ALAS2: variants seen among roughly 807,000 people sequenced by gnomAD.
ALAS2 encodes 5'-aminolevulinate synthase 2.
A neutral mutation model predicts 33.7 loss-of-function variants in ALAS2; 3 were observed. The observed-to-expected ratio is 0.09, with a 90% confidence interval of 0.04 to 0.23. The LOEUF (loss-of-function observed/expected upper bound fraction) is 0.23. Among genes scored for constraint, ALAS2 ranks in the 10% least tolerant of loss-of-function variants. ALAS2 has a pLI of 1.00. For synonymous variants in ALAS2, 191 were observed against 177.3 expected (o/e 1.08, Z -0.61); for missense variants, 304 against 475.1 (o/e 0.64, Z 3.35).
rs1363278726 is a variant in ALAS2, at chrX:55,015,870, C to T, written c.1004-128G>A. The stretch of plus-strand genomic sequence containing the variant: ...TGTTGTAGAGAGGAAGGAGGATGTG[C>T]GCCTTCATTTAGAACTATTACAAAC... On this transcript the variant is annotated intron_variant, in intron 7 of 10. Transcript: ENST00000650242. 23 of 746,327 alleles carry T rather than the reference C, an allele frequency of 3.1e-5. No homozygotes were observed. In the Middle Eastern group the frequency reaches 3.9e-3, roughly 125 times the overall value. The allele number at this position is 746,327 out of a possible 1,213,427, so 61.5% of individuals were successfully genotyped here. A position where few individuals can be genotyped will look rare whatever the true frequency, so the allele number is the denominator to read the frequency against.
At chrX:55,013,446 G>T (rs775867791) in intron 10 of ALAS2, 40 bp downstream of exon 10, 2 of 1,173,377 alleles carry the variant, frequency 1.7e-6, no homozygotes, top group Non-Finnish European at 2.3e-6. Flanking sequence ...CTGGGGCTGA[G>T]GGGAGGGAGG....
chrX:55,021,414 G>A (rs1935803744), intron 4 of ALAS2, 140 bp from the exon 5 acceptor site: 1 of 520,411 alleles, frequency 1.9e-6, no homozygotes, highest in Non-Finnish European at 3.3e-6. Flanking sequence ...ATTGACTTAT[G>A]GACCACATTA....
At chrX:55,023,116 A>G (rs1364573547) in intron 4 of ALAS2, among the ~76,000 whole-genome samples, 2 of 110,959 alleles carry the variant, frequency 1.8e-5, no homozygotes, top group African/African-American at 6.6e-5. Flanking sequence ...TAAGTGAACA[A>G]AACAGCATAA....
At position 55,027,131 on chromosome X, in the gene ALAS2, A is replaced by G. The variant is rs773549143; in HGVS notation, c.-15-1116T>C. Among the ~76,000 whole-genome samples the G allele has an allele frequency of 3.6e-5, 4 of 110,930 alleles. No homozygotes were observed. The East Asian group carries it at 1.1e-3, about 32-fold the overall frequency. On this transcript the variant is annotated intron_variant, in intron 1 of 10. Transcript: ENST00000650242. Reference sequence around the variant, plus strand: ...CAGGGATAAAGGCAGAGACAGATAGACCAAGGGGCACGAAAGGGACATGAG... The same window carrying G: ...CAGGGATAAAGGCAGAGACAGATAGGCCAAGGGGCACGAAAGGGACATGAG...
At position 55,029,217 on chromosome X, in the gene ALAS2, A is replaced by G. The variant is rs191528906; in HGVS notation, c.-16+1725T>C. Among the ~76,000 whole-genome samples, 346 of 111,714 alleles carry G rather than the reference A, an allele frequency of 3.1e-3. 1 individual carries two copies. Among genetic ancestry groups the G allele is most frequent in the African/African-American group, 0.011 (333 of 30,719 alleles). On this transcript the variant is annotated intron_variant, in intron 1 of 10. Transcript: ENST00000650242. ...AGCTAGAGAATTGATTCTTGTCCCA[A>G]TCCTGTTACAATTTATTGTGTGAAC...
chrX:55,011,803 A>G (rs1935606161), intron 10 of ALAS2, among the ~76,000 whole-genome samples: 1 of 111,566 alleles, frequency 9.0e-6, no homozygotes, highest in African/African-American at 3.3e-5. Context: ...ATACTGAACA[A>G]AAGGCCCAGG....
At position 55,030,965 on chromosome X, in the gene ALAS2, A is replaced by G. The variant is rs1290315031; in HGVS notation, c.-39T>C. The G allele has an allele frequency of 2.9e-6, 1 of 340,404 alleles. No homozygotes were observed. Among genetic ancestry groups the G allele is most frequent in the Non-Finnish European group, 5.9e-6 (1 of 169,761 alleles). The allele number at this position is 340,404 out of a possible 1,213,427, so 28.1% of individuals were successfully genotyped here. ...ACCTGTTGCCCTGCACTGAGGACGAACGAATGACAGGTGGGTACTTGGGTT... is the reference window on the plus strand; with the variant it reads ...ACCTGTTGCCCTGCACTGAGGACGAGCGAATGACAGGTGGGTACTTGGGTT... On this transcript the variant is annotated 5_prime_UTR_variant, in exon 1 of 11. Coordinates refer to ENST00000650242, the MANE Select transcript of ALAS2 (RefSeq NM_000032.5).
chrX:55,025,693 A>C, intron 2 of ALAS2, 127 bp downstream of exon 2: 1 of 708,748 alleles, frequency 1.4e-6, no homozygotes, highest in South Asian at 2.3e-5. Flanking sequence ...TTTTGGGGCC[A>C]GTTCATGCTA....
At position 55,015,748 on chromosome X, in the gene ALAS2, C is replaced by T; in HGVS notation, c.1004-6G>A. On this transcript the variant is annotated splice_region_variant and splice_polypyrimidine_tract_variant and intron_variant, in intron 7 of 10. Coordinates refer to ENST00000650242, the MANE Select transcript of ALAS2 (RefSeq NM_000032.5). Reference sequence around the variant, plus strand: ...CTCGAGGGGACAGATGGCACCTGAGCAAAGCCAAGGGATAGAGGTAGGACA... The same window carrying T: ...CTCGAGGGGACAGATGGCACCTGAGTAAAGCCAAGGGATAGAGGTAGGACA... 1.7e-6 allele frequency: 2 copies of T among 1,210,741 alleles called. No homozygotes were observed. Among genetic ancestry groups the T allele is most frequent in the Admixed American group, 2.2e-5 (1 of 45,956 alleles).
intron 10 of ALAS2, 112 bp from the exon 11 acceptor site, chrX:55,009,455 T>C (rs1194741686): frequency 1.0e-5 from 8 of 792,874 alleles, no homozygotes; most frequent in Non-Finnish European, 1.4e-5. Flanking sequence ...TCAAGATACC[T>C]CAGGGCCAGA....
At chrX:55,019,534 A>C (rs967641482) in intron 6 of ALAS2, among the ~76,000 whole-genome samples, 3 of 111,232 alleles carry the variant, frequency 2.7e-5, no homozygotes, top group African/African-American at 9.8e-5. Context: ...ACTGCCCCAT[A>C]AACTTCGAGA....
At position 55,017,523 on chromosome X, in the gene ALAS2, G is replaced by C; in HGVS notation, c.966C>G (p.Pro322=). The part of the protein sequence containing the change: ...KLLEKSNPKI[P]KIVAFETVHS... ...GGACAGTCTCAAAGGCCACAATTTTGGGTATCTTAGGGTTAGACTTCTCTA... is the reference window on the plus strand; with the variant it reads ...GGACAGTCTCAAAGGCCACAATTTTCGGTATCTTAGGGTTAGACTTCTCTA... The change falls in exon 7 of 11, where the codon CCC becomes CCG. Residue 322 remains proline, a synonymous_variant. Coordinates refer to ENST00000650242, the MANE Select transcript of ALAS2 (RefSeq NM_000032.5). 1 of 1,210,526 alleles carries C rather than the reference G, an allele frequency of 8.3e-7. No individual in the cohort carries two copies. Among genetic ancestry groups the C allele is most frequent in the East Asian group, 3.0e-5 (1 of 33,796 alleles).
rs778200451 is a variant in ALAS2, at chrX:55,023,913, A to G, written c.305-46T>C. ...CATTGGCCGTGAAGAGAATGGGGGAAAAAGAAAGCATGTGTTGTCCTCTTT... is the reference window on the plus strand; with the variant it reads ...CATTGGCCGTGAAGAGAATGGGGGAGAAAGAAAGCATGTGTTGTCCTCTTT... On this transcript the variant is annotated intron_variant, in intron 3 of 10. Transcript: ENST00000650242. 4 of 1,047,651 alleles carry G rather than the reference A, an allele frequency of 3.8e-6. No individual in the cohort carries two copies. The East Asian group carries it at 1.2e-4, about 32-fold the overall frequency. The allele number at this position is 1,047,651 out of a possible 1,213,427, so 86.3% of individuals were successfully genotyped here. A position where few individuals can be genotyped will look rare whatever the true frequency, so the allele number is the denominator to read the frequency against.
chrX:55,011,826 C>G (rs903039098), intron 10 of ALAS2, among the ~76,000 whole-genome samples: 3 of 111,673 alleles, frequency 2.7e-5, no homozygotes, highest in Non-Finnish European at 3.8e-5. Context: ...TCTGGGTCAT[C>G]AGCTCAGAGA....
intron 8 of ALAS2, 70 bp from the exon 9 acceptor site, chrX:55,015,085 A>G: frequency 1.8e-6 from 2 of 1,114,445 alleles, no homozygotes; most frequent in Non-Finnish European, 2.4e-6. Flanking sequence ...ATCATGTGCC[A>G]GATAACACAA....
intron 4 of ALAS2, among the ~76,000 whole-genome samples, chrX:55,022,709 C>T (rs753671712): frequency 2.7e-5 from 3 of 111,620 alleles, no homozygotes; most frequent in African/African-American, 9.8e-5. Flanking sequence ...CAAGGAGATA[C>T]ATTCAAGGAT....
intron 6 of ALAS2, among the ~76,000 whole-genome samples, chrX:55,017,987 A>G (rs1019380324): frequency 2.7e-5 from 3 of 111,458 alleles, no homozygotes; most frequent in Non-Finnish European, 5.6e-5. Context: ...CTTCTCCCCA[A>G]TATATAAGAT....
intron 4 of ALAS2, 108 bp from the exon 5 acceptor site, chrX:55,021,382 A>G (rs1171856407): frequency 3.2e-6 from 2 of 622,534 alleles, no homozygotes; most frequent in Non-Finnish European, 5.3e-6. Context: ...CTTTTTCCAC[A>G]TATTCATTTA....
At position 55,017,567 on chromosome X, in the gene ALAS2, C is replaced by T. The variant is rs956102453; in HGVS notation, c.922G>A (p.Asp308Asn). ...AKFVFRHNDP[D>N]HLKKLLEKSN... ...TTCTCTAGAAGTTTCTTTAGGTGGT[C>T]AGGGTCATTGTGCCTGAAGACAAAC... Residue 308 changes from aspartate (D) to asparagine (N), a missense_variant, in exon 7 of 11, where the codon GAC becomes AAC. Coordinates refer to ENST00000650242, the MANE Select transcript of ALAS2 (RefSeq NM_000032.5). The T allele has an allele frequency of 1.2e-5, 14 of 1,209,205 alleles. No individual in the cohort carries two copies. Among genetic ancestry groups the T allele is most frequent in the South Asian group, 1.8e-5 (1 of 56,754 alleles).
Sources: gnomAD v4.1 joint callset for allele counts (sites outside exome capture counted in the v4.1 genomes callset) on GRCh38, gnomAD v4.1.1 for gene constraint, MANE v1.5 for transcripts, NCBI Gene and HGNC (gene_info 2026-07-23, HGNC 2026-07-21) for gene names.